The following STRBP variants were observed in gnomAD, a reference collection of about 807,000 sequenced individuals.
STRBP encodes spermatid perinuclear RNA-binding protein.
STRBP carries 13 observed loss-of-function variants against 80.1 expected under a neutral mutation model. The ratio of observed to expected loss-of-function variants is 0.16; its 90% confidence interval spans 0.11 to 0.26. The LOEUF is 0.26. Ranked by LOEUF, STRBP falls within the 10% of genes least tolerant of loss-of-function variation. The pLI, the probability that STRBP is intolerant of heterozygous loss-of-function variation, is 1.00. For missense variants in STRBP, 485 were observed against 815.2 expected, an observed-to-expected ratio of 0.59 and a Z score of 4.93; for synonymous variants, 284 against 291.2, an observed-to-expected ratio of 0.98 and a Z score of 0.25.
At chr9:123,212,951 G>A (rs2039763593) in intron 2 of STRBP, among the ~76,000 whole-genome samples, 1 of 152,134 alleles carries the variant, frequency 6.6e-6, no homozygotes, top group African/African-American at 2.4e-5. Context: ...TGCAAATTCA[G>A]GTCTGATGAC....
chr9:123,205,228 T>C (rs2039472445), intron 2 of STRBP, among the ~76,000 whole-genome samples: 2 of 152,232 alleles, frequency 1.3e-5, no homozygotes, highest in Non-Finnish European at 2.9e-5. Context: ...TTTGCACCAC[T>C]GCACTCCAGC....
intron 3 of STRBP, chr9:123,181,047 CA>C (rs2038436774): frequency 2.1e-6 from 1 of 474,412 alleles, no homozygotes. Flanking sequence ...CTCTATAAAG[CA>C]AAGAAAACTT....
intron 2 of STRBP, among the ~76,000 whole-genome samples, chr9:123,203,318 C>A (rs2039393540): frequency 1.3e-5 from 2 of 151,544 alleles, no homozygotes. Context: ...TGCATGCCAG[C>A]CTGGGTAACA....
chr9:123,255,816 T>A (rs541468826), intron 1 of STRBP, among the ~76,000 whole-genome samples: 4 of 152,096 alleles, frequency 2.6e-5, no homozygotes, highest in African/African-American at 9.7e-5. Flanking sequence ...CACCTGTATA[T>A]AACCATCACA....
At chr9:123,207,854 T>G (rs910077235) in intron 2 of STRBP, among the ~76,000 whole-genome samples, 3 of 152,152 alleles carry the variant, frequency 2.0e-5, no homozygotes, top group African/African-American at 7.2e-5. Flanking sequence ...ATGAGAGAGA[T>G]ATTTGTGGTG....
intron 11 of STRBP, among the ~76,000 whole-genome samples, chr9:123,154,102 C>T (rs1047404264): frequency 6.6e-6 from 1 of 152,118 alleles, no homozygotes; most frequent in Non-Finnish European, 1.5e-5. Context: ...TTGGTATGTG[C>T]AACCATTTAC....
intron 13 of STRBP, among the ~76,000 whole-genome samples, chr9:123,146,141 C>G (rs1424935891): frequency 1.3e-5 from 2 of 152,020 alleles, no homozygotes; most frequent in Non-Finnish European, 2.9e-5. Context: ...TTAAGTGAAT[C>G]TGATCTTCAG....
rs529985510 is a variant in STRBP at position 123,200,563 on chromosome 9, T to C, written c.-164-16265A>G. ...TCCTGGGCTTTTTCTGTTGGCAATT[T>C]TTTTGTCTTTTTTTTTTTTTTTGAG... On this transcript the variant is annotated intron_variant, in intron 2 of 18. Transcript: ENST00000348403. 1.9e-3 allele frequency among the ~76,000 whole-genome samples: 293 copies of C among 150,470 alleles called. 2 individuals carry two copies. Among genetic ancestry groups the C allele is most frequent in the African/African-American group, 6.9e-3 (282 of 41,034 alleles).
At chr9:123,259,446 C>A (rs1301238240) in intron 1 of STRBP, among the ~76,000 whole-genome samples, 1 of 152,200 alleles carries the variant, frequency 6.6e-6, no homozygotes, top group African/African-American at 2.4e-5. Context: ...ATGGCTCACG[C>A]CTGTAATCCC....
At chr9:123,211,917 C>T (rs1178443899) in intron 2 of STRBP, among the ~76,000 whole-genome samples, 3 of 152,112 alleles carry the variant, frequency 2.0e-5, no homozygotes, top group African/African-American at 4.8e-5. Context: ...CTTCCATAAT[C>T]TATAGAAAAT....
chr9:123,166,953 T>A (rs2037792757), intron 6 of STRBP, among the ~76,000 whole-genome samples: 1 of 152,164 alleles, frequency 6.6e-6, no homozygotes, highest in Admixed American at 6.5e-5. Context: ...GAAACTTACC[T>A]ATGAAACAGT....
At chr9:123,132,766 C>A in intron 17 of STRBP, 79 bp downstream of exon 17, 2 of 1,571,612 alleles carry the variant, frequency 1.3e-6, no homozygotes, top group Non-Finnish European at 1.7e-6. Flanking sequence ...CCCTGTACAA[C>A]CTTAGAAAAT....
At chr9:123,156,155 G>A (rs10114885) in intron 11 of STRBP, among the ~76,000 whole-genome samples, 16,583 of 151,474 alleles carry the variant, frequency 0.11, 2,936 homozygotes, top group African/African-American at 0.37. Flanking sequence ...AACCGAAAGA[G>A]TGGTTGTGAA....
At chr9:123,222,385 G>A (rs1307354905) in intron 2 of STRBP, among the ~76,000 whole-genome samples, 3 of 151,932 alleles carry the variant, frequency 2.0e-5, no homozygotes, top group South Asian at 2.1e-4. Flanking sequence ...CCACTTCTCC[G>A]AGGTTCCTTT....
intron 1 of STRBP, among the ~76,000 whole-genome samples, chr9:123,238,822 T>C (rs369680043): frequency 6.6e-6 from 1 of 152,068 alleles, no homozygotes; most frequent in East Asian, 1.9e-4. Flanking sequence ...GAATTAAACT[T>C]AAGTATATAA....
At chr9:123,190,518 T>C (rs1021548018) in intron 2 of STRBP, among the ~76,000 whole-genome samples, 11 of 150,766 alleles carry the variant, frequency 7.3e-5, no homozygotes, top group African/African-American at 2.4e-4. Flanking sequence ...TACTTATCAA[T>C]AGCTAATATA....
chr9:123,139,497 T>C (rs753892406), intron 14 of STRBP, 32 bp downstream of exon 14: 9 of 1,523,180 alleles, frequency 5.9e-6, no homozygotes, highest in South Asian at 3.9e-5. Flanking sequence ...CACATATATG[T>C]TATTTTTTTT....
chr9:123,201,855 C>T (rs1266961215), intron 2 of STRBP, among the ~76,000 whole-genome samples: 2 of 152,178 alleles, frequency 1.3e-5, no homozygotes, highest in East Asian at 3.8e-4. Flanking sequence ...TGAAATCTAC[C>T]ACTGCTATTG....
chr9:123,179,027 C>T lies in STRBP; in HGVS notation c.204G>A (p.Glu68=), dbSNP rs200413885. 1,041 of 1,614,138 alleles carry T rather than the reference C, an allele frequency of 6.4e-4. No individual in the cohort carries two copies. Among genetic ancestry groups the T allele is most frequent in the Non-Finnish European group, 7.8e-4 (916 of 1,179,994 alleles). Residue 68 remains glutamate, a synonymous_variant, in exon 4 of 19, where the codon GAG becomes GAA. Coordinates refer to ENST00000348403, the MANE Select transcript of STRBP (RefSeq NM_018387.5). ...TEGETEVKKD[E]AGENYSKDQG... ...CTCACTTGGAATAGTTTTCTCCGGC[C>T]TCATCTTTCTTCACTTCTGTCTCAC...
Sources: allele counts gnomAD v4.1 joint callset (sites outside exome capture counted in the v4.1 genomes callset), GRCh38; gene constraint gnomAD v4.1.1; transcripts MANE v1.5; gene names NCBI Gene and HGNC (gene_info 2026-07-23, HGNC 2026-07-21).